CCDC7: variants seen among roughly 807,000 people sequenced by gnomAD.
The protein encoded by CCDC7 is coiled-coil domain containing 7, also known as coiled-coil domain-containing protein 7.
A neutral mutation model predicts 196.9 loss-of-function variants in CCDC7; 183 were observed. That is an observed-to-expected ratio of 0.93 (90% CI 0.82 to 1.05). The LOEUF is 1.05. Among genes scored for constraint, CCDC7 ranks in the 50% least tolerant of loss-of-function variants. CCDC7 has a pLI of 0.00. For missense variants in CCDC7, 1,540 were observed against 1,482.2 expected, an observed-to-expected ratio of 1.04 and a Z score of -0.64; for synonymous variants, 525 against 484.6, an observed-to-expected ratio of 1.08 and a Z score of -1.10.
chr10:32,748,910 G>C (rs1419886862), intron 28 of CCDC7, among the ~76,000 whole-genome samples: 1 of 152,082 alleles, frequency 6.6e-6, no homozygotes, highest in Non-Finnish European at 1.5e-5. Flanking sequence ...GAACATAAAG[G>C]GATTTTTTTC....
intron 18 of CCDC7, among the ~76,000 whole-genome samples, chr10:32,589,990 A>G (rs536895587): frequency 2.0e-5 from 3 of 152,144 alleles, no homozygotes; most frequent in East Asian, 3.9e-4. Flanking sequence ...ATCATTGGAT[A>G]TTGATTTTTT....
intron 29 of CCDC7, among the ~76,000 whole-genome samples, chr10:32,790,771 T>TA (rs1284225347): frequency 6.6e-6 from 1 of 152,122 alleles, no homozygotes; most frequent in African/African-American, 2.4e-5. Flanking sequence ...GAAGAGTGCC[T>TA]CAGAGTCAGA....
chr10:32,471,184 A>G, exon 6 of CCDC7: 1 of 1,612,330 alleles, frequency 6.2e-7, no homozygotes. Context: ...GAATCGCCTT[A>G]AACAGAGGTC....
At position 32,870,323 on chromosome 10, in the gene CCDC7, A is replaced by G. The variant is rs575951084; in HGVS notation, c.4112-6024A>G. On this transcript the variant is annotated intron_variant, in intron 41 of 41. Transcript: ENST00000639629. ...TGAAGAGGTCCTTCACATCCCTTAT[A>G]AGTTGGATTCCTAGGTATTTTATTC... 6.3e-3 allele frequency among the ~76,000 whole-genome samples: 966 copies of G among 152,132 alleles called. 15 individuals are homozygous for G. Among genetic ancestry groups the G allele is most frequent in the Middle Eastern group, 0.024 (7 of 294 alleles).
At chr10:32,696,237 C>A (rs950605906) in intron 24 of CCDC7, among the ~76,000 whole-genome samples, 2 of 152,124 alleles carry the variant, frequency 1.3e-5, no homozygotes, top group South Asian at 2.1e-4. Flanking sequence ...CTTGAAGAGA[C>A]CTACCTGTAG....
chr10:32,636,690 T>A (rs977310023), intron 20 of CCDC7, among the ~76,000 whole-genome samples: 1 of 152,184 alleles, frequency 6.6e-6, no homozygotes, highest in Non-Finnish European at 1.5e-5. Flanking sequence ...AATAAACATA[T>A]GTGTGCATGT....
intron 15 of CCDC7, among the ~76,000 whole-genome samples, chr10:32,570,045 A>G (rs1028008191): frequency 1.3e-5 from 2 of 151,926 alleles, no homozygotes; most frequent in African/African-American, 4.8e-5. Flanking sequence ...CTTATCTCTA[A>G]CTCGAATAAC....
chr10:32,519,294 C>G (rs964360814), intron 11 of CCDC7, among the ~76,000 whole-genome samples: 1 of 152,144 alleles, frequency 6.6e-6, no homozygotes, highest in Non-Finnish European at 1.5e-5. Context: ...ACTGAGTAGT[C>G]TGACCAAGTG....
intron 18 of CCDC7, among the ~76,000 whole-genome samples, chr10:32,622,825 T>C (rs755601102): frequency 2.7e-5 from 4 of 149,296 alleles, no homozygotes; most frequent in Non-Finnish European, 4.4e-5. Flanking sequence ...TGCAAACTGT[T>C]ACAGGGTTAG....
chr10:32,480,009 A>G (rs993368273), intron 8 of CCDC7, among the ~76,000 whole-genome samples: 4 of 152,124 alleles, frequency 2.6e-5, no homozygotes, highest in African/African-American at 9.6e-5. Context: ...TGTTCACAGT[A>G]GTCTTTATCC....
chr10:32,850,067 G>A (rs2093488304), intron 39 of CCDC7, among the ~76,000 whole-genome samples: 1 of 152,022 alleles, frequency 6.6e-6, no homozygotes, highest in South Asian at 2.1e-4. Flanking sequence ...GCTACTTTTG[G>A]GATAAGGAAA....
At chr10:32,877,937 A>G (rs534222835), downstream of CCDC7, among the ~76,000 whole-genome samples, 2 of 152,116 alleles carry the variant, frequency 1.3e-5, no homozygotes, top group East Asian at 3.9e-4. Flanking sequence ...CCATATGCAA[A>G]TGGTTGCAGT....
At chr10:32,451,885 T>C (rs1018467482) in exon 1 of CCDC7, 22 of 1,611,744 alleles carry the variant, frequency 1.4e-5, no homozygotes, top group African/African-American at 1.2e-4. Flanking sequence ...TACCAGAAGA[T>C]GAAATGATCG....
At chr10:32,461,339 A>T (rs2133633959) in intron 3 of CCDC7, among the ~76,000 whole-genome samples, 1 of 152,254 alleles carries the variant, frequency 6.6e-6, no homozygotes, top group Middle Eastern at 3.4e-3. Context: ...ATCATCTAAC[A>T]CAAAACCTAT....
At chr10:32,509,285 G>C (rs1339520106) in intron 9 of CCDC7, among the ~76,000 whole-genome samples, 1 of 152,132 alleles carries the variant, frequency 6.6e-6, no homozygotes, top group Non-Finnish European at 1.5e-5. Flanking sequence ...CAGCAATAGT[G>C]TCAGAAATAA....
chr10:32,528,125 C>G (rs1163316370), intron 11 of CCDC7, among the ~76,000 whole-genome samples: 1 of 152,088 alleles, frequency 6.6e-6, no homozygotes, highest in Admixed American at 6.6e-5. Flanking sequence ...GGGTATTTGT[C>G]TTTCTATGTC....
At chr10:32,577,213 T>C (rs1007008088) in intron 16 of CCDC7, among the ~76,000 whole-genome samples, 1 of 151,956 alleles carries the variant, frequency 6.6e-6, no homozygotes, top group Non-Finnish European at 1.5e-5. Context: ...AATACAAAAA[T>C]TAGCTGGGCA....
intron 19 of CCDC7, 65 bp from the exon 21 acceptor site, chr10:32,634,992 G>A (rs989856348): frequency 2.0e-5 from 8 of 397,172 alleles, no homozygotes; most frequent in African/African-American, 1.6e-4. Flanking sequence ...ACACAAATGA[G>A]AGGAAGTATT....
intron 16 of CCDC7, among the ~76,000 whole-genome samples, chr10:32,573,039 G>A (rs1170232519): frequency 6.6e-6 from 1 of 151,792 alleles, no homozygotes; most frequent in South Asian, 2.1e-4. Context: ...CACCATGCCC[G>A]GCTAATTTTT....
Sources: gnomAD v4.1 joint callset for allele counts (sites outside exome capture counted in the v4.1 genomes callset) on GRCh38, gnomAD v4.1.1 for gene constraint, MANE v1.5 for transcripts, NCBI Gene and HGNC (gene_info 2026-07-23, HGNC 2026-07-21) for gene names.